BMPER: variants seen among roughly 807,000 people sequenced by gnomAD.
BMPER encodes the protein BMP binding endothelial regulator.
Under a neutral mutation model 87.3 loss-of-function variants are expected in BMPER, and 45 were observed. The ratio of observed to expected loss-of-function variants is 0.52; its 90% CI spans 0.41 to 0.66. BMPER has a LOEUF of 0.66. BMPER is among the 30% of genes least tolerant of loss of function. BMPER has a pLI of 0.00. For missense variants in BMPER, 784 were observed against 867.5 expected (o/e 0.90, Z 1.21); for synonymous variants, 326 against 316.2 (o/e 1.03, Z -0.33).
chr7:34,149,132 A>G (rs568318012), intron 14 of BMPER, among the ~76,000 whole-genome samples: 1 of 152,284 alleles, frequency 6.6e-6, no homozygotes, highest in East Asian at 1.9e-4. Flanking sequence ...CCCAGGCCTC[A>G]TCGATACACT....
intron 2 of BMPER, among the ~76,000 whole-genome samples, chr7:33,922,903 A>G (rs1015644754): frequency 2.8e-4 from 42 of 152,220 alleles, no homozygotes; most frequent in African/African-American, 8.7e-4. Context: ...CAACCTTCTA[A>G]TATGTGGGAA....
At chr7:34,035,298 A>G (rs1787632758) in intron 6 of BMPER, among the ~76,000 whole-genome samples, 1 of 152,196 alleles carries the variant, frequency 6.6e-6, no homozygotes, top group South Asian at 2.1e-4. Context: ...AAATTAGAGA[A>G]CTGCACATAA....
At chr7:34,041,876 G>A (rs1450783973) in intron 6 of BMPER, among the ~76,000 whole-genome samples, 1 of 152,086 alleles carries the variant, frequency 6.6e-6, no homozygotes, top group Non-Finnish European at 1.5e-5. Flanking sequence ...ATTGTAACGG[G>A]TTAGCACTGC....
chr7:34,082,674 C>G (rs1789085137), intron 12 of BMPER, among the ~76,000 whole-genome samples: 1 of 152,288 alleles, frequency 6.6e-6, no homozygotes, highest in Non-Finnish European at 1.5e-5. Flanking sequence ...TATGGACCAC[C>G]AGTCCACTGC....
intron 13 of BMPER, among the ~76,000 whole-genome samples, chr7:34,110,653 G>C (rs991698232): frequency 6.6e-6 from 1 of 152,186 alleles, no homozygotes; most frequent in Non-Finnish European, 1.5e-5. Context: ...TAGTTGTGTC[G>C]TAGGGAGATC....
chr7:34,010,996 T>C (rs1786859999), intron 6 of BMPER, among the ~76,000 whole-genome samples: 2 of 151,914 alleles, frequency 1.3e-5, no homozygotes, highest in Admixed American at 1.3e-4. Context: ...AAGAGGAATT[T>C]CCTTTTCTGA....
chr7:34,116,271 G>A (rs1437811197), intron 13 of BMPER, among the ~76,000 whole-genome samples: 4 of 152,206 alleles, frequency 2.6e-5, no homozygotes, highest in East Asian at 1.9e-4. Flanking sequence ...ACACTGGGTG[G>A]CTGGCTAGTT....
chr7:34,139,921 T>C (rs991705906), intron 13 of BMPER, among the ~76,000 whole-genome samples: 12 of 152,232 alleles, frequency 7.9e-5, no homozygotes, highest in Admixed American at 1.3e-4. Context: ...TTGAAGCCTA[T>C]ATTCACAGGC....
At chr7:34,024,370 A>G (rs1445207627) in intron 6 of BMPER, among the ~76,000 whole-genome samples, 1 of 101,738 alleles carries the variant, frequency 9.8e-6, no homozygotes. Context: ...AAAAAAAAAA[A>G]AAAAAAAAAA....
chr7:33,916,244 T>A (rs1784084692), intron 2 of BMPER, among the ~76,000 whole-genome samples: 1 of 152,218 alleles, frequency 6.6e-6, no homozygotes, highest in African/African-American at 2.4e-5. Flanking sequence ...GATGGGTTGC[T>A]CCTCTATTTT....
At chr7:33,936,322 A>C (rs1784601613) in intron 2 of BMPER, among the ~76,000 whole-genome samples, 1 of 152,120 alleles carries the variant, frequency 6.6e-6, no homozygotes, top group Non-Finnish European at 1.5e-5. Context: ...TTATCCAGGG[A>C]AGGGCATAGG....
intron 6 of BMPER, among the ~76,000 whole-genome samples, chr7:33,988,468 T>TC (rs1168107811): frequency 5.3e-5 from 8 of 152,310 alleles, no homozygotes; most frequent in Middle Eastern, 3.4e-3. Context: ...AATTTTTTTT[T>TC]CCAACACAGA....
chr7:34,004,681 A>G (rs1185025592), intron 6 of BMPER, among the ~76,000 whole-genome samples: 1 of 152,120 alleles, frequency 6.6e-6, no homozygotes, highest in African/African-American at 2.4e-5. Context: ...CGGTTAGTTC[A>G]ATGGTCAGCT....
intron 6 of BMPER, among the ~76,000 whole-genome samples, chr7:33,985,721 C>A (rs1216550697): frequency 6.6e-6 from 1 of 151,546 alleles, no homozygotes; most frequent in East Asian, 1.9e-4. Flanking sequence ...TGTTTATCAG[C>A]CATTTGTGTT....
At chr7:34,015,984 AAGAG>A (rs1193093755) in intron 6 of BMPER, among the ~76,000 whole-genome samples, 11 of 151,384 alleles carry the variant, frequency 7.3e-5, no homozygotes, top group African/African-American at 2.2e-4. Flanking sequence ...CAGATGGAGA[AAGAG>A]AGAGAGAGGA....
chr7:34,129,225 G>A (rs572968209), intron 13 of BMPER, among the ~76,000 whole-genome samples: 3 of 152,014 alleles, frequency 2.0e-5, no homozygotes, highest in East Asian at 2.0e-4. Context: ...TATTAGGGAC[G>A]GGTGTGGTGG....
At chr7:34,142,171 A>G (rs181294969) in intron 13 of BMPER, among the ~76,000 whole-genome samples, 3 of 152,356 alleles carry the variant, frequency 2.0e-5, no homozygotes, top group African/African-American at 7.2e-5. Flanking sequence ...TCTTGCATAA[A>G]TGTTAACTGG....
At chr7:34,131,137 T>C (rs990664119) in intron 13 of BMPER, among the ~76,000 whole-genome samples, 2 of 151,938 alleles carry the variant, frequency 1.3e-5, no homozygotes, top group Admixed American at 6.6e-5. Context: ...AGGCCTGTGG[T>C]GTTTATGATT....
chr7:33,986,707 T>A (rs1486520164), intron 6 of BMPER, among the ~76,000 whole-genome samples: 2 of 152,136 alleles, frequency 1.3e-5, no homozygotes. Context: ...TAAGAATGTA[T>A]CATTCTGTGT....
Sources: gnomAD v4.1 joint callset for allele counts (sites outside exome capture counted in the v4.1 genomes callset) on GRCh38, gnomAD v4.1.1 for gene constraint, MANE v1.5 for transcripts, NCBI Gene and HGNC (gene_info 2026-07-23, HGNC 2026-07-21) for gene names.